ACYP2: variants seen among roughly 807,000 people sequenced by gnomAD.
ACYP2 encodes acylphosphatase 2, also known as acylphosphatase-2.
Under a neutral mutation model 11.2 loss-of-function variants are expected in ACYP2, and 12 were observed. The observed-to-expected ratio is 1.08, with a 90% CI of 0.69 to 1.74. ACYP2 has a LOEUF of 1.74. Ranked by LOEUF, ACYP2 falls within the 40% of genes most tolerant of loss-of-function variation. The probability of loss-of-function intolerance (pLI) is 0.00; values close to 1 mark genes in which losing one functional copy is unlikely to be tolerated. For synonymous variants in ACYP2, 43 were observed against 32.2 expected, an observed-to-expected ratio of 1.33 and a Z score of -1.13; for missense variants, 134 against 101.9, an observed-to-expected ratio of 1.31 and a Z score of -1.35.
At chr2:54,014,858 C>T (rs1185912218) in intron 2 of ACYP2, among the ~76,000 whole-genome samples, 1 of 152,076 alleles carries the variant, frequency 6.6e-6, no homozygotes, top group Non-Finnish European at 1.5e-5. Flanking sequence ...CTCTTGGCCT[C>T]AAGCAGTCCT....
At chr2:54,248,659 G>C (rs575792083) in intron 6 of ACYP2, among the ~76,000 whole-genome samples, 55 of 152,230 alleles carry the variant, frequency 3.6e-4, no homozygotes, top group Non-Finnish European at 6.6e-4. Flanking sequence ...TCCTATGCTA[G>C]ACTGTAGGCT....
intron 6 of ACYP2, among the ~76,000 whole-genome samples, chr2:54,152,332 C>T (rs151080212): frequency 9.5e-4 from 145 of 152,068 alleles, no homozygotes; most frequent in African/African-American, 3.2e-3. Flanking sequence ...CTATGTTTCC[C>T]GGGCTGGTCT....
At chr2:54,087,184 G>C (rs1051474096) in intron 4 of ACYP2, among the ~76,000 whole-genome samples, 2 of 152,152 alleles carry the variant, frequency 1.3e-5, no homozygotes, top group African/African-American at 4.8e-5. Context: ...CAAAGCATTT[G>C]AAAATTATAA....
rs902989481 is a variant in ACYP2, at chr2:54,195,520, C to G, written c.404+56772C>G. Among the ~76,000 whole-genome samples the G allele has an allele frequency of 4.0e-5, 6 of 151,808 alleles. No homozygotes were observed. In the East Asian group the frequency reaches 1.2e-3, roughly 29 times the overall value. On this transcript the variant is annotated intron_variant, in intron 6 of 6. Transcript: ENST00000607452. ...CAGTTCATGGCTCGCATGGCAGTTC[C>G]CTGCTTACAAGGATCCCAAACTCCA... is the stretch of plus-strand genomic sequence containing the variant.
chr2:53,979,287 TAAAAAG>T (rs1459119898), intron 2 of ACYP2, among the ~76,000 whole-genome samples: 1 of 151,894 alleles, frequency 6.6e-6, no homozygotes, highest in Non-Finnish European at 1.5e-5. Flanking sequence ...AAAAAATACT[TAAAAAG>T]AAAAAATATA....
intron 4 of ACYP2, among the ~76,000 whole-genome samples, chr2:54,096,778 C>G (rs1269151657): frequency 6.6e-6 from 1 of 152,118 alleles, no homozygotes; most frequent in Admixed American, 6.5e-5. Flanking sequence ...GCTGAGATGG[C>G]AGCAGTACAG....
intron 6 of ACYP2, among the ~76,000 whole-genome samples, chr2:54,278,809 A>G (rs1688725455): frequency 6.6e-6 from 1 of 152,208 alleles, no homozygotes; most frequent in African/African-American, 2.4e-5. Context: ...TTTCTTAAAA[A>G]TAATTTTATT....
chr2:54,227,752 T>G (rs1224346124), intron 6 of ACYP2, among the ~76,000 whole-genome samples: 1 of 152,200 alleles, frequency 6.6e-6, no homozygotes, highest in African/African-American at 2.4e-5. Context: ...TAATCCAAAG[T>G]AAGTTGTGAT....
At chr2:54,187,490 G>T (rs532988357) in intron 6 of ACYP2, among the ~76,000 whole-genome samples, 1 of 152,314 alleles carries the variant, frequency 6.6e-6, no homozygotes, top group Admixed American at 6.5e-5. Context: ...ACCAGGGGCT[G>T]CTTGCGAAAG....
chr2:54,236,231 G>C (rs993581804), intron 6 of ACYP2, among the ~76,000 whole-genome samples: 1 of 152,030 alleles, frequency 6.6e-6, no homozygotes, highest in African/African-American at 2.4e-5. Flanking sequence ...GTGAGCCACT[G>C]TGCCCAGCCT....
At chr2:53,986,569 T>C (rs1016853679) in intron 2 of ACYP2, among the ~76,000 whole-genome samples, 1 of 151,630 alleles carries the variant, frequency 6.6e-6, no homozygotes, top group Admixed American at 6.6e-5. Context: ...ACTCCTGACC[T>C]CAAGTGATCC....
chr2:54,070,918 GTTTGTTTGTTTT>G (rs1677007674), intron 4 of ACYP2, among the ~76,000 whole-genome samples: 1 of 151,700 alleles, frequency 6.6e-6, no homozygotes, highest in African/African-American at 2.4e-5. Flanking sequence ...TTGTTTGTTT[GTTTGTTTGTTTT>G]TTTCAGAGAC....
At chr2:54,057,383 G>C (rs141912964) in intron 4 of ACYP2, 2 of 397,162 alleles carry the variant, frequency 5.0e-6, no homozygotes. Flanking sequence ...AATAAATACT[G>C]ATTTTAATGA....
intron 2 of ACYP2, among the ~76,000 whole-genome samples, chr2:54,012,822 C>T (rs1378911182): frequency 2.0e-5 from 3 of 152,154 alleles, no homozygotes; most frequent in Admixed American, 2.0e-4. Context: ...GGTCAAGTCA[C>T]TCTTGGCGCT....
intron 6 of ACYP2, among the ~76,000 whole-genome samples, chr2:54,199,385 T>C (rs1684656454): frequency 6.6e-6 from 1 of 152,138 alleles, no homozygotes; most frequent in African/African-American, 2.4e-5. Flanking sequence ...TTGCCCAAGA[T>C]CAAAGATTAT....
intron 6 of ACYP2, among the ~76,000 whole-genome samples, chr2:54,284,026 A>G (rs1297341564): frequency 6.6e-6 from 1 of 152,164 alleles, no homozygotes; most frequent in African/African-American, 2.4e-5. Flanking sequence ...CAGGAGAATC[A>G]CTTGAACCCA....
chr2:54,264,963 A>G (rs1403613120), intron 6 of ACYP2, among the ~76,000 whole-genome samples: 1 of 152,248 alleles, frequency 6.6e-6, no homozygotes, highest in Admixed American at 6.5e-5. Context: ...TTACCTTCAC[A>G]AAGTTCAACT....
intron 2 of ACYP2, among the ~76,000 whole-genome samples, chr2:54,038,758 C>A (rs1307523990): frequency 1.1e-4 from 14 of 132,074 alleles, no homozygotes; most frequent in Non-Finnish European, 1.8e-4. Flanking sequence ...GATGAAAAAA[C>A]CCCCACCTTT....
intron 2 of ACYP2, among the ~76,000 whole-genome samples, chr2:53,977,076 C>T (rs972319832): frequency 6.6e-6 from 1 of 152,088 alleles, no homozygotes; most frequent in African/African-American, 2.4e-5. Context: ...CAGATGGAGT[C>T]CTGCTCTGTT....
Sources: gnomAD v4.1 joint callset for allele counts (sites outside exome capture counted in the v4.1 genomes callset) on GRCh38, gnomAD v4.1.1 for gene constraint, MANE v1.5 for transcripts, NCBI Gene and HGNC (gene_info 2026-07-23, HGNC 2026-07-21) for gene names.